CREB1: variants seen among roughly 807,000 people sequenced by gnomAD.
CREB1 encodes the protein cyclic AMP-responsive element-binding protein 1.
CREB1 carries 2 observed loss-of-function variants against 42.0 expected under a neutral mutation model. That is an observed-to-expected ratio of 0.05 (90% CI 0.02 to 0.15). CREB1 has a LOEUF of 0.15. Ranked by LOEUF, CREB1 falls within the 10% of genes least tolerant of loss-of-function variation. The pLI is 1.00. For synonymous variants in CREB1, 123 were observed against 139.9 expected (o/e 0.88, Z 0.85); for missense variants, 199 against 388.9 (o/e 0.51, Z 4.11).
intron 7 of CREB1, among the ~76,000 whole-genome samples, chr2:207,585,053 A>G (rs2083577907): frequency 6.6e-6 from 1 of 151,488 alleles, no homozygotes; most frequent in African/African-American, 2.4e-5. Flanking sequence ...GTCCACATAC[A>G]TCATCTAGGG....
At position 207,598,866 on chromosome 2, in the gene CREB1, T is replaced by C. The variant is rs918622320; in HGVS notation, c.*1808T>C. 6.3e-5 allele frequency: 11 copies of C among 175,760 alleles called. No homozygotes were observed. The highest frequency in any genetic ancestry group is 9.8e-5 in the Non-Finnish European group (8 of 81,608). 10.9% of individuals were successfully genotyped at this position (175,760 alleles called of 1,614,324 possible). On this transcript the variant is annotated 3_prime_UTR_variant, in exon 8 of 8. Transcript: ENST00000353267. Reference sequence around the variant, plus strand: ...AAATAAAAATAAAAAAAATGTCTCATTTGGGAAGGAAATTCCTTTTAAAAA... The same window carrying C: ...AAATAAAAATAAAAAAAATGTCTCACTTGGGAAGGAAATTCCTTTTAAAAA...
At chr2:207,592,519 A>G (rs1029129032) in intron 7 of CREB1, among the ~76,000 whole-genome samples, 2 of 152,170 alleles carry the variant, frequency 1.3e-5, no homozygotes, top group Admixed American at 1.3e-4. Flanking sequence ...CAGCAATTCA[A>G]ATATAATATG....
chr2:207,532,614 A>G (rs1046639933), intron 1 of CREB1, among the ~76,000 whole-genome samples: 9 of 151,828 alleles, frequency 5.9e-5, no homozygotes, highest in African/African-American at 1.9e-4. Context: ...TGGAGATTGC[A>G]GTGAGCCGAG....
chr2:207,533,249 T>TTA (rs1055323465), intron 1 of CREB1, among the ~76,000 whole-genome samples: 1 of 152,158 alleles, frequency 6.6e-6, no homozygotes, highest in African/African-American at 2.4e-5. Context: ...CTGAAGAAAC[T>TTA]TAGACACCTG....
At chr2:207,554,207 CTA>C (rs1437414602) in intron 1 of CREB1, among the ~76,000 whole-genome samples, 1 of 152,148 alleles carries the variant, frequency 6.6e-6, no homozygotes, top group Admixed American at 6.5e-5. Flanking sequence ...TATTTCCAAA[CTA>C]TATTCATTTC....
intron 1 of CREB1, among the ~76,000 whole-genome samples, chr2:207,532,470 C>G (rs551148927): frequency 6.6e-6 from 1 of 152,038 alleles, no homozygotes; most frequent in Non-Finnish European, 1.5e-5. Context: ...GTCAAGAGAT[C>G]GAGACCATCC....
intron 6 of CREB1, 107 bp from the exon 7 acceptor site, chr2:207,577,398 T>C: frequency 1.4e-6 from 2 of 1,402,914 alleles, no homozygotes; most frequent in Non-Finnish European, 9.6e-7. Context: ...CTTTTCTTTT[T>C]TGTTTCCCTT....
intron 6 of CREB1, among the ~76,000 whole-genome samples, chr2:207,575,844 T>C (rs1017387462): frequency 2.0e-5 from 3 of 151,344 alleles, no homozygotes; most frequent in Admixed American, 6.6e-5. Context: ...TTTTTTGTTG[T>C]TGTTGTTTTT....
At chr2:207,565,160 C>A (rs534180441) in intron 3 of CREB1, among the ~76,000 whole-genome samples, 3 of 152,028 alleles carry the variant, frequency 2.0e-5, no homozygotes, top group Admixed American at 1.3e-4. Context: ...CATCCTCCCC[C>A]AGAACGGTAC....
intron 6 of CREB1, chr2:207,576,851 G>C (rs2082617709): frequency 1.0e-6 from 1 of 962,654 alleles, no homozygotes; most frequent in South Asian, 4.8e-5. Context: ...TTTAGAAGCA[G>C]TTTGACAAAT....
At chr2:207,588,458 A>G (rs972390175) in intron 7 of CREB1, among the ~76,000 whole-genome samples, 1 of 152,160 alleles carries the variant, frequency 6.6e-6, no homozygotes, top group Admixed American at 6.5e-5. Flanking sequence ...GAATTTGATA[A>G]TGTGAGTCCT....
chr2:207,574,935 T>C (rs1383285563), intron 5 of CREB1, among the ~76,000 whole-genome samples: 3 of 152,226 alleles, frequency 2.0e-5, no homozygotes, highest in Admixed American at 6.5e-5. Flanking sequence ...TAATACATTA[T>C]GCAGTTAATG....
intron 1 of CREB1, among the ~76,000 whole-genome samples, chr2:207,549,680 C>G (rs1397616881): frequency 6.6e-6 from 1 of 152,144 alleles, no homozygotes; most frequent in Non-Finnish European, 1.5e-5. Context: ...CGAGACCGTC[C>G]TGGCTAACAC....
chr2:207,591,574 A>C (rs1214089601), intron 7 of CREB1, among the ~76,000 whole-genome samples: 1 of 152,154 alleles, frequency 6.6e-6, no homozygotes, highest in East Asian at 1.9e-4. Context: ...CTAGGATTAC[A>C]GGTGTGCGCC....
chr2:207,575,263 G>T lies in CREB1; in HGVS notation c.506-9G>T, dbSNP rs769429601. 3.1e-6 allele frequency: 5 copies of T among 1,611,880 alleles called. No homozygotes were observed. Among genetic ancestry groups the T allele is most frequent in the Non-Finnish European group, 4.2e-6 (5 of 1,178,400 alleles). Reference sequence around the variant, plus strand: ...TAAACTTGTAACAATAAAATCCATTGGCTTTTAGTTGCCATTACCCAGGGA... The same window carrying T: ...TAAACTTGTAACAATAAAATCCATTTGCTTTTAGTTGCCATTACCCAGGGA... On this transcript the variant is annotated splice_polypyrimidine_tract_variant and intron_variant, in intron 5 of 7. Transcript: ENST00000353267.
intron 1 of CREB1, among the ~76,000 whole-genome samples, chr2:207,543,304 TA>T (rs1386823630): frequency 2.0e-4 from 31 of 152,210 alleles, no homozygotes; most frequent in African/African-American, 7.5e-4. Context: ...CAGTTGTAAC[TA>T]TGATCCAAGA....
chr2:207,569,020 CA>C (rs2082249096), intron 4 of CREB1, among the ~76,000 whole-genome samples: 1 of 148,880 alleles, frequency 6.7e-6, no homozygotes, highest in Non-Finnish European at 1.5e-5. Flanking sequence ...TTTCCTTGAA[CA>C]AATGAGCAGA....
intron 4 of CREB1, among the ~76,000 whole-genome samples, chr2:207,569,966 C>T (rs1441107094): frequency 6.9e-6 from 1 of 144,990 alleles, no homozygotes; most frequent in East Asian, 2.1e-4. Flanking sequence ...TGCTTGAACC[C>T]GGGAGGCGGA....
At chr2:207,577,751 T>C in intron 7 of CREB1, 96 bp downstream of exon 7, 2 of 1,477,910 alleles carry the variant, frequency 1.4e-6, no homozygotes, top group Admixed American at 1.9e-5. Context: ...ATAGGATCTT[T>C]GCATTGAATT....
Sources: gnomAD v4.1 joint callset for allele counts (sites outside exome capture counted in the v4.1 genomes callset) on GRCh38, gnomAD v4.1.1 for gene constraint, MANE v1.5 for transcripts, NCBI Gene and HGNC (gene_info 2026-07-23, HGNC 2026-07-21) for gene names.